CCM2: variants seen among roughly 807,000 people sequenced by gnomAD.
The protein encoded by CCM2 is CCM2 scaffold protein, also known as cerebral cavernous malformations 2 protein.
A neutral mutation model predicts 44.9 loss-of-function variants in CCM2; 25 were observed. The observed-to-expected ratio is 0.56, with a 90% CI of 0.41 to 0.78. The LOEUF (loss-of-function observed/expected upper bound fraction) is 0.78. Ranked by LOEUF, CCM2 falls within the 30% of genes least tolerant of loss-of-function variation. The pLI, the probability that CCM2 is intolerant of heterozygous loss-of-function variation, is 0.00. For missense variants in CCM2, 481 were observed against 580.6 expected (o/e 0.83, Z 1.76); for synonymous variants, 219 against 241.1 (o/e 0.91, Z 0.85).
At chr7:45,069,688 G>A (rs1181795495) in intron 5 of CCM2, 138 bp from the exon 6 acceptor site, 3 of 1,140,182 alleles carry the variant, frequency 2.6e-6, no homozygotes, top group East Asian at 4.9e-5. Flanking sequence ...GTCAGTGAAA[G>A]GCAGAGGGAC....
chr7:45,053,604 A>T (rs1178940290), intron 2 of CCM2, among the ~76,000 whole-genome samples: 1 of 152,104 alleles, frequency 6.6e-6, no homozygotes, highest in Non-Finnish European at 1.5e-5. Flanking sequence ...GCTCTGTGCG[A>T]GTCAGTGCTG....
At chr7:45,035,880 T>C (rs951671863) in intron 1 of CCM2, among the ~76,000 whole-genome samples, 9 of 152,158 alleles carry the variant, frequency 5.9e-5, no homozygotes, top group Non-Finnish European at 1.2e-4. Context: ...TTTTAACTTA[T>C]TGTCAAGGTA....
chr7:45,026,485 CA>C (rs1456148149), intron 1 of CCM2, among the ~76,000 whole-genome samples: 1 of 151,806 alleles, frequency 6.6e-6, no homozygotes, highest in Non-Finnish European at 1.5e-5. Context: ...TTTTTATAGC[CA>C]AAACACTGTT....
intron 1 of CCM2, among the ~76,000 whole-genome samples, chr7:45,013,646 G>A (rs1796149761): frequency 6.6e-6 from 1 of 152,132 alleles, no homozygotes; most frequent in South Asian, 2.1e-4. Context: ...TGATTGTTAT[G>A]ATACTTTCTT....
intron 1 of CCM2, among the ~76,000 whole-genome samples, chr7:45,033,808 C>T (rs1280518344): frequency 8.2e-5 from 3 of 36,690 alleles, no homozygotes. Context: ...AATTCATGTG[C>T]CATCTGTCAC....
At chr7:45,074,021 C>CCCAT in intron 8 of CCM2, 1 of 741,248 alleles carries the variant, frequency 1.3e-6, no homozygotes, top group Non-Finnish European at 2.1e-6. Flanking sequence ...TCCTGTCCCT[C>CCCAT]CCATGCACTC....
At chr7:45,003,687 C>A (rs1278803994) in intron 1 of CCM2, among the ~76,000 whole-genome samples, 1 of 151,002 alleles carries the variant, frequency 6.6e-6, no homozygotes, top group African/African-American at 2.4e-5. Flanking sequence ...GAGATCATGC[C>A]ACTGTACTCC....
chr7:45,000,530 T>C (rs1019656899), intron 1 of CCM2, among the ~76,000 whole-genome samples, 167 bp downstream of exon 1: 43 of 146,880 alleles, frequency 2.9e-4, no homozygotes, highest in African/African-American at 1.0e-3. Context: ...CAGGTGGGCT[T>C]TCGCGGCCGG....
chr7:45,005,326 CTGT>C, intron 1 of CCM2, among the ~76,000 whole-genome samples: 1 of 152,204 alleles, frequency 6.6e-6, no homozygotes, highest in East Asian at 1.9e-4. Context: ...TTGTCAGATT[CTGT>C]CATAATTTAG....
intron 2 of CCM2, among the ~76,000 whole-genome samples, chr7:45,051,270 G>A (rs1307773564): frequency 6.6e-6 from 1 of 152,180 alleles, no homozygotes; most frequent in Non-Finnish European, 1.5e-5. Context: ...GCACCATGTA[G>A]CAACTATTGG....
At chr7:44,999,788 A>G (rs1053715526), upstream of CCM2, 3 of 451,006 alleles carry the variant, frequency 6.7e-6, no homozygotes, top group African/African-American at 2.0e-5. Flanking sequence ...GCAAATTGAA[A>G]AAGTTGGAGC....
intron 2 of CCM2, among the ~76,000 whole-genome samples, chr7:45,041,488 G>T (rs1423444897): frequency 1.3e-5 from 2 of 152,114 alleles, no homozygotes; most frequent in Non-Finnish European, 2.9e-5. Flanking sequence ...GCCTCATGTA[G>T]CCCAGACTAT....
At chr7:45,038,968 A>T (rs1018016877) in intron 2 of CCM2, among the ~76,000 whole-genome samples, 51 of 152,374 alleles carry the variant, frequency 3.3e-4, no homozygotes, top group Middle Eastern at 6.8e-3. Flanking sequence ...GAGGTCAGAG[A>T]GAATAGGAAA....
rs1412885035 is a variant in CCM2 at position 45,012,378 on chromosome 7, C to T, written c.30+12015C>T. Among the ~76,000 whole-genome samples the T allele has an allele frequency of 2.0e-5, 3 of 148,690 alleles. No individual in the cohort carries two copies. In the East Asian group the frequency reaches 6.1e-4, roughly 30 times the overall value. ...TGAACTCCTGACCTCAGGTGATCCA[C>T]CCGCCTCGGCCTCCCAAAGTGCTGG... On this transcript the variant is annotated intron_variant, in intron 1 of 9. Transcript: ENST00000258781.
intron 2 of CCM2, among the ~76,000 whole-genome samples, chr7:45,050,999 G>A (rs1797975778): frequency 6.6e-6 from 1 of 152,148 alleles, no homozygotes; most frequent in South Asian, 2.1e-4. Flanking sequence ...GAATGCCACA[G>A]CTCGGTGAAG....
At chr7:45,044,315 T>A (rs1410008430) in intron 2 of CCM2, among the ~76,000 whole-genome samples, 1 of 152,180 alleles carries the variant, frequency 6.6e-6, no homozygotes, top group Non-Finnish European at 1.5e-5. Flanking sequence ...TTTTTGTATT[T>A]TTAGTAGAGA....
intron 2 of CCM2, among the ~76,000 whole-genome samples, chr7:45,044,843 C>T (rs181493060): frequency 3.3e-5 from 5 of 151,954 alleles, no homozygotes; most frequent in African/African-American, 4.8e-5. Context: ...TTCCTTAGAC[C>T]TCTTAAGTAT....
At chr7:45,073,074 C>T in intron 7 of CCM2, 2 of 591,894 alleles carry the variant, frequency 3.4e-6, no homozygotes, top group Admixed American at 2.9e-5. Context: ...CCTGCCCGAG[C>T]CTGCCGAGGC....
intron 2 of CCM2, among the ~76,000 whole-genome samples, chr7:45,054,494 A>T (rs960816453): frequency 6.6e-6 from 1 of 151,946 alleles, no homozygotes; most frequent in Non-Finnish European, 1.5e-5. Flanking sequence ...ATTAAAAAAA[A>T]AAACACTTAT....
Sources: allele counts gnomAD v4.1 joint callset (sites outside exome capture counted in the v4.1 genomes callset), GRCh38; gene constraint gnomAD v4.1.1; transcripts MANE v1.5; gene names NCBI Gene and HGNC (gene_info 2026-07-23, HGNC 2026-07-21).